ANKFN1: variants seen among roughly 807,000 people sequenced by gnomAD.
ANKFN1 encodes ankyrin repeat and fibronectin type III domain containing 1.
Under a neutral mutation model 108.7 loss-of-function variants are expected in ANKFN1, and 74 were observed. The observed-to-expected ratio is 0.68, with a 90% CI of 0.56 to 0.83. The LOEUF (loss-of-function observed/expected upper bound fraction) is 0.83, where lower values mean the gene tolerates loss of function less well. Ranked by LOEUF, ANKFN1 falls within the 40% of genes least tolerant of loss-of-function variation. ANKFN1 has a pLI of 0.00. For synonymous variants in ANKFN1, 547 were observed against 516.2 expected, an observed-to-expected ratio of 1.06 and a Z score of -0.81; for missense variants, 1,505 against 1,382.3, an observed-to-expected ratio of 1.09 and a Z score of -1.41.
chr17:56,364,342 A>G (rs2046606537), intron 6 of ANKFN1, among the ~76,000 whole-genome samples: 1 of 152,164 alleles, frequency 6.6e-6, no homozygotes, highest in African/African-American at 2.4e-5. Flanking sequence ...AAATTAATAA[A>G]TTGTATATTG....
At chr17:56,192,867 A>G (rs1193215126) in intron 1 of ANKFN1, among the ~76,000 whole-genome samples, 2 of 81,126 alleles carry the variant, frequency 2.5e-5, no homozygotes, top group Non-Finnish European at 4.4e-5. Flanking sequence ...ATCTAGAACT[A>G]GAAATACCAT....
intron 4 of ANKFN1, among the ~76,000 whole-genome samples, chr17:56,084,022 A>T (rs112522028): frequency 1.2e-4 from 18 of 151,492 alleles, no homozygotes; most frequent in African/African-American, 4.1e-4. Flanking sequence ...GCCTGTACTC[A>T]GAGGGAAGGA....
chr17:56,241,306 A>G (rs973925669), intron 3 of ANKFN1, among the ~76,000 whole-genome samples: 3 of 152,134 alleles, frequency 2.0e-5, no homozygotes, highest in African/African-American at 7.2e-5. Context: ...AAACAACAAA[A>G]AAAAGAAAGT....
At chr17:56,114,140 A>G (rs995795314) in intron 4 of ANKFN1, among the ~76,000 whole-genome samples, 1 of 152,204 alleles carries the variant, frequency 6.6e-6, no homozygotes, top group East Asian at 1.9e-4. Flanking sequence ...TATTTTCTAT[A>G]TTACTCTTCA....
chr17:56,356,630 C>T (rs1398441594), intron 6 of ANKFN1, among the ~76,000 whole-genome samples: 1 of 152,172 alleles, frequency 6.6e-6, no homozygotes, highest in Non-Finnish European at 1.5e-5. Context: ...AGTCAAAGTG[C>T]TGCCCCTTTT....
intron 2 of ANKFN1, among the ~76,000 whole-genome samples, chr17:56,220,014 T>C (rs1488668661): frequency 2.0e-5 from 3 of 152,232 alleles, no homozygotes; most frequent in Non-Finnish European, 4.4e-5. Flanking sequence ...TAAATCTCAC[T>C]GATTCTTGTT....
intron 8 of ANKFN1, among the ~76,000 whole-genome samples, chr17:56,419,630 T>C (rs1422360609): frequency 6.6e-6 from 1 of 151,498 alleles, no homozygotes; most frequent in Admixed American, 6.6e-5. Context: ...CCTATCTCCA[T>C]GAAAAATAAA....
chr17:56,164,631 T>A (rs756764579), intron 1 of ANKFN1, among the ~76,000 whole-genome samples: 27 of 152,232 alleles, frequency 1.8e-4, no homozygotes, highest in Non-Finnish European at 3.4e-4. Flanking sequence ...GAAGCCTCTT[T>A]ATTTGAAAAT....
At chr17:56,174,108 A>T (rs994482552) in intron 1 of ANKFN1, 1 of 909,188 alleles carries the variant, frequency 1.1e-6, no homozygotes, top group Non-Finnish European at 1.3e-6. Context: ...TCCGTGGGTC[A>T]GCTTGACATT....
At chr17:56,209,520 G>A (rs373480989) in intron 1 of ANKFN1, among the ~76,000 whole-genome samples, 13 of 152,300 alleles carry the variant, frequency 8.5e-5, no homozygotes, top group East Asian at 7.7e-4. Context: ...CTTCTTGGCT[G>A]AATGCCTGAA....
In ANKFN1 at chr17:56,157,162, C is replaced by T. The variant is rs564253451; in HGVS notation, c.-71+3632C>T. Among the ~76,000 whole-genome samples the T allele has an allele frequency of 3.9e-5, 6 of 152,282 alleles. No individual in the cohort carries two copies. The East Asian group carries it at 1.2e-3, about 29-fold the overall frequency. ...TGGGAGCCAGCAGAAACACACTGGT[C>T]ACCTGGCAGGGGACAGCAAAGGGAG... On this transcript the variant is annotated intron_variant, in intron 1 of 20. Transcript: ENST00000682825.
intron 8 of ANKFN1, among the ~76,000 whole-genome samples, chr17:56,410,320 C>A (rs909992425): frequency 6.6e-6 from 1 of 152,144 alleles, no homozygotes; most frequent in South Asian, 2.1e-4. Flanking sequence ...TGGTCTCGAT[C>A]ACTTGACCTC....
chr17:56,373,734 A>G (rs906359709), intron 7 of ANKFN1, among the ~76,000 whole-genome samples: 38 of 152,232 alleles, frequency 2.5e-4, no homozygotes, highest in African/African-American at 8.7e-4. Flanking sequence ...GTTTGCTTTC[A>G]ACATCAACAC....
intron 8 of ANKFN1, among the ~76,000 whole-genome samples, chr17:56,413,267 T>C (rs1055371834): frequency 3.3e-5 from 5 of 152,336 alleles, no homozygotes; most frequent in South Asian, 2.1e-4. Context: ...TTTTGAACAT[T>C]GATTTTGTAT....
chr17:56,162,632 T>C (rs1328068177), intron 1 of ANKFN1, among the ~76,000 whole-genome samples: 1 of 152,224 alleles, frequency 6.6e-6, no homozygotes, highest in Non-Finnish European at 1.5e-5. Flanking sequence ...ATTCAACATA[T>C]GGATTTGGGT....
At chr17:56,238,353 C>T (rs1917310346) in intron 3 of ANKFN1, among the ~76,000 whole-genome samples, 2 of 151,944 alleles carry the variant, frequency 1.3e-5, no homozygotes, top group South Asian at 4.1e-4. Flanking sequence ...ATGATCTGTC[C>T]TCAAAAATAC....
At chr17:56,057,784 CA>C (rs71137189) in intron 4 of ANKFN1, among the ~76,000 whole-genome samples, 118,062 of 149,554 alleles carry the variant, frequency 0.79, 46,635 homozygotes, top group African/African-American at 0.83. Flanking sequence ...AACTCTGTCT[CA>C]AAAAAAAAAA....
intron 6 of ANKFN1, among the ~76,000 whole-genome samples, chr17:56,355,423 G>A (rs939928191): frequency 6.6e-6 from 1 of 152,056 alleles, no homozygotes; most frequent in Non-Finnish European, 1.5e-5. Context: ...CTGACATACT[G>A]GAGGAACAAA....
intron 4 of ANKFN1, among the ~76,000 whole-genome samples, chr17:56,140,984 C>A (rs1379113836): frequency 6.6e-6 from 1 of 152,214 alleles, no homozygotes; most frequent in African/African-American, 2.4e-5. Flanking sequence ...TCCCTACTAT[C>A]AGCCTTACCT....
Sources: gnomAD v4.1 joint callset for allele counts (sites outside exome capture counted in the v4.1 genomes callset) on GRCh38, gnomAD v4.1.1 for gene constraint, MANE v1.5 for transcripts, NCBI Gene and HGNC (gene_info 2026-07-23, HGNC 2026-07-21) for gene names.